The following CHST11 variants were observed in gnomAD, a reference collection of about 807,000 sequenced individuals.
CHST11 encodes C4S-1.
CHST11 carries 9 observed loss-of-function variants against 30.4 expected under a neutral mutation model. The ratio of observed to expected loss-of-function variants is 0.30; its 90% CI spans 0.18 to 0.52. The LOEUF (loss-of-function observed/expected upper bound fraction) is 0.52. Ranked by LOEUF, CHST11 falls within the 20% of genes least tolerant of loss-of-function variation. The pLI, the probability that CHST11 is intolerant of heterozygous loss-of-function variation, is 0.97. For synonymous variants in CHST11, 152 were observed against 187.8 expected (o/e 0.81, Z 1.56); for missense variants, 348 against 460.6 (o/e 0.76, Z 2.24).
chr12:104,697,930 C>T (rs1216670819), intron 2 of CHST11, among the ~76,000 whole-genome samples: 1 of 152,198 alleles, frequency 6.6e-6, no homozygotes, highest in Non-Finnish European at 1.5e-5. Flanking sequence ...CAAGTCTTGA[C>T]TTTCTTACCT....
chr12:104,733,014 T>C (rs1340724578), intron 2 of CHST11, among the ~76,000 whole-genome samples: 1 of 152,248 alleles, frequency 6.6e-6, no homozygotes, highest in Non-Finnish European at 1.5e-5. Context: ...CACCCTTGTG[T>C]AGTAGGTATG....
chr12:104,754,463 C>T (rs866366747), intron 2 of CHST11, among the ~76,000 whole-genome samples: 32 of 152,186 alleles, frequency 2.1e-4, no homozygotes, highest in African/African-American at 7.5e-4. Context: ...AGTCTTCATC[C>T]TCCAGGAGGC....
chr12:104,572,139 C>A (rs1439453657), intron 1 of CHST11, among the ~76,000 whole-genome samples: 1 of 152,006 alleles, frequency 6.6e-6, no homozygotes, highest in East Asian at 1.9e-4. Flanking sequence ...AGGATTTTTG[C>A]ATCGATGTTC....
chr12:104,487,845 C>CT (rs963628226), intron 1 of CHST11, among the ~76,000 whole-genome samples: 14 of 148,930 alleles, frequency 9.4e-5, no homozygotes, highest in Admixed American at 6.0e-4. Context: ...GTACATTTTT[C>CT]TTTTTTTTTC....
At chr12:104,466,895 T>G (rs963988060) in intron 1 of CHST11, among the ~76,000 whole-genome samples, 2 of 152,266 alleles carry the variant, frequency 1.3e-5, no homozygotes, top group Non-Finnish European at 2.9e-5. Context: ...TCAATTCTGA[T>G]TCTTTCATCC....
intron 1 of CHST11, among the ~76,000 whole-genome samples, chr12:104,489,047 T>C (rs913934283): frequency 1.3e-5 from 2 of 152,084 alleles, no homozygotes; most frequent in African/African-American, 4.8e-5. Context: ...CTTTTTTTTT[T>C]CCTTGAGATG....
chr12:104,741,198 G>A (rs7297412), intron 2 of CHST11, among the ~76,000 whole-genome samples: 45,772 of 152,136 alleles, frequency 0.3, 7,111 homozygotes, highest in South Asian at 0.52. Flanking sequence ...AGGCAAAGGG[G>A]TGAAGGTAAA....
At chr12:104,697,043 C>T (rs1193970486) in intron 2 of CHST11, among the ~76,000 whole-genome samples, 1 of 152,120 alleles carries the variant, frequency 6.6e-6, no homozygotes, top group Non-Finnish European at 1.5e-5. Flanking sequence ...AAATTGCTTC[C>T]ATTTTTTTAT....
intron 2 of CHST11, among the ~76,000 whole-genome samples, chr12:104,720,718 AT>A (rs1422587653): frequency 1.5e-5 from 2 of 131,318 alleles, no homozygotes; most frequent in Non-Finnish European, 3.4e-5. Flanking sequence ...CTGCTGTTTG[AT>A]TTTAAAAAGG....
intron 2 of CHST11, among the ~76,000 whole-genome samples, chr12:104,713,502 T>C (rs191226475): frequency 6.6e-6 from 1 of 152,218 alleles, no homozygotes. Flanking sequence ...TAAAGAAATT[T>C]TTCAAAACGG....
chr12:104,465,970 C>T (rs2037453573), intron 1 of CHST11, among the ~76,000 whole-genome samples: 1 of 152,122 alleles, frequency 6.6e-6, no homozygotes, highest in South Asian at 2.1e-4. Flanking sequence ...AGCGATTCTC[C>T]TGCCTCAGCC....
intron 1 of CHST11, among the ~76,000 whole-genome samples, chr12:104,556,802 G>A (rs1472246168): frequency 3.9e-5 from 6 of 152,118 alleles, no homozygotes; most frequent in Admixed American, 3.9e-4. Flanking sequence ...CCAACATGGT[G>A]AAACCCTGTC....
intron 2 of CHST11, among the ~76,000 whole-genome samples, chr12:104,658,566 A>G (rs1229606465): frequency 6.6e-6 from 1 of 152,194 alleles, no homozygotes. Context: ...GACAGCGTGT[A>G]CCTTACATTC....
chr12:104,689,633 C>T (rs1231690643), intron 2 of CHST11, among the ~76,000 whole-genome samples: 1 of 152,212 alleles, frequency 6.6e-6, no homozygotes, highest in Non-Finnish European at 1.5e-5. Flanking sequence ...AGGCGGCTAG[C>T]ATACCTGCCT....
chr12:104,494,746 C>G (rs2037783466), intron 1 of CHST11, among the ~76,000 whole-genome samples: 1 of 152,072 alleles, frequency 6.6e-6, no homozygotes, highest in Admixed American at 6.6e-5. Flanking sequence ...TTGTAAAACA[C>G]TTAAACAATT....
At chr12:104,711,393 G>A (rs17036238) in intron 2 of CHST11, among the ~76,000 whole-genome samples, 6,766 of 152,222 alleles carry the variant, frequency 0.044, 472 homozygotes, top group East Asian at 0.29. Flanking sequence ...ACGTTTCAGC[G>A]TCACATGGAG....
At chr12:104,695,778 C>T (rs995433352) in intron 2 of CHST11, among the ~76,000 whole-genome samples, 15 of 152,196 alleles carry the variant, frequency 9.9e-5, no homozygotes, top group African/African-American at 3.6e-4. Context: ...CCTTCACAGC[C>T]CTCCTTTCTT....
intron 1 of CHST11, among the ~76,000 whole-genome samples, chr12:104,510,621 T>C (rs1165216661): frequency 6.6e-6 from 1 of 152,232 alleles, no homozygotes; most frequent in Non-Finnish European, 1.5e-5. Context: ...TGCTCCTTGC[T>C]CCTCTTTGTG....
chr12:104,488,652 T>C (rs1390665736), intron 1 of CHST11, among the ~76,000 whole-genome samples: 1 of 151,052 alleles, frequency 6.6e-6, no homozygotes, highest in Non-Finnish European at 1.5e-5. Context: ...TGTATGTGTG[T>C]GTGTATGTGT....
Sources: allele counts gnomAD v4.1 joint callset (sites outside exome capture counted in the v4.1 genomes callset), GRCh38; gene constraint gnomAD v4.1.1; transcripts MANE v1.5; gene names NCBI Gene and HGNC (gene_info 2026-07-23, HGNC 2026-07-21).